TTC28: variants seen among roughly 807,000 people sequenced by gnomAD.
The protein encoded by TTC28 is tetratricopeptide repeat protein 28.
In TTC28, 61 loss-of-function variants were observed where a neutral mutation model predicts 198.0. The ratio of observed to expected loss-of-function variants is 0.31; its 90% confidence interval spans 0.25 to 0.38. TTC28 has a LOEUF of 0.38. TTC28 is among the 10% of genes least tolerant of loss of function. The pLI is 1.00. For missense variants in TTC28, 2,678 were observed against 3,164.0 expected, an observed-to-expected ratio of 0.85 and a Z score of 3.69; for synonymous variants, 1,171 against 1,297.8, an observed-to-expected ratio of 0.90 and a Z score of 2.10.
chr22:28,543,126 C>T (rs138919411), intron 2 of TTC28, among the ~76,000 whole-genome samples: 165 of 152,184 alleles, frequency 1.1e-3, no homozygotes, highest in African/African-American at 3.2e-3. Flanking sequence ...CTTGAGTCCA[C>T]GAGTCTGAGA....
At chr22:28,071,589 G>A (rs1448547313) in intron 12 of TTC28, among the ~76,000 whole-genome samples, 1 of 149,652 alleles carries the variant, frequency 6.7e-6, no homozygotes, top group Non-Finnish European at 1.5e-5. Flanking sequence ...TGGTGGGGTG[G>A]GGGGGAGCGG....
intron 2 of TTC28, among the ~76,000 whole-genome samples, chr22:28,518,766 G>C (rs2048841280): frequency 6.6e-6 from 1 of 152,138 alleles, no homozygotes; most frequent in African/African-American, 2.4e-5. Flanking sequence ...ATAGTAAAAA[G>C]ACAGAATTCA....
At chr22:28,416,227 T>G (rs1447290705) in intron 2 of TTC28, among the ~76,000 whole-genome samples, 2 of 152,206 alleles carry the variant, frequency 1.3e-5, no homozygotes, top group Non-Finnish European at 2.9e-5. Flanking sequence ...TTAACTTCAG[T>G]GTACACTATC....
chr22:28,149,066 G>A lies in TTC28; in HGVS notation c.1441+14026C>T, dbSNP rs114676934. On this transcript the variant is annotated intron_variant, in intron 6 of 22. Transcript: ENST00000397906. ...ATTTCGTCATTGTACGAACATCATC[G>A]AGTGTACTGACACAAACCTAGATGA... 6.5e-3 allele frequency among the ~76,000 whole-genome samples: 990 copies of A among 152,286 alleles called. 6 individuals carry two copies. The highest frequency in any genetic ancestry group is 0.022 in the African/African-American group (896 of 41,542).
chr22:27,992,264 G>C (rs1026744323), intron 19 of TTC28, among the ~76,000 whole-genome samples: 1 of 152,206 alleles, frequency 6.6e-6, no homozygotes, highest in African/African-American at 2.4e-5. Flanking sequence ...TCACCCTGGG[G>C]TTGGCCGCAC....
chr22:28,534,285 T>C (rs1385656007), intron 2 of TTC28, among the ~76,000 whole-genome samples: 3 of 152,122 alleles, frequency 2.0e-5, no homozygotes, highest in African/African-American at 4.8e-5. Flanking sequence ...AAGAAGACAT[T>C]TATGCAGCCA....
chr22:28,564,290 C>G (rs143998967), intron 2 of TTC28, among the ~76,000 whole-genome samples: 242 of 152,090 alleles, frequency 1.6e-3, no homozygotes, highest in Non-Finnish European at 2.1e-3. Flanking sequence ...GTCAATTTTA[C>G]TTCAATTATT....
intron 5 of TTC28, among the ~76,000 whole-genome samples, chr22:28,283,914 G>C (rs937848461): frequency 6.6e-6 from 1 of 152,138 alleles, no homozygotes; most frequent in African/African-American, 2.4e-5. Context: ...CTGCAGAAAT[G>C]ACCAGATGAT....
chr22:27,998,251 G>A, intron 16 of TTC28: 1 of 507,598 alleles, frequency 2.0e-6, no homozygotes, highest in Non-Finnish European at 3.5e-6. Flanking sequence ...GGTTAAATGA[G>A]GGTGCCATGG....
rs775749257 is a variant in TTC28 at position 28,170,357 on chromosome 22, C to A, written c.934-6758G>T. Among the ~76,000 whole-genome samples, 110 of 151,772 alleles carry A rather than the reference C, an allele frequency of 7.2e-4. 1 individual carries two copies. The highest frequency in any genetic ancestry group is 2.5e-3 in the Admixed American group (38 of 15,250). On this transcript the variant is annotated intron_variant, in intron 5 of 22. Coordinates refer to ENST00000397906, the MANE Select transcript of TTC28 (RefSeq NM_001145418.2). Reference sequence around the variant, plus strand: ...AAAAAAAATTAGCTGGGCGTGGTTGCGGGCACCTGTAGTCCCACCTACTCG... The same window carrying A: ...AAAAAAAATTAGCTGGGCGTGGTTGAGGGCACCTGTAGTCCCACCTACTCG...
At chr22:28,639,210 G>A (rs978032733) in intron 1 of TTC28, among the ~76,000 whole-genome samples, 3 of 147,036 alleles carry the variant, frequency 2.0e-5, no homozygotes, top group Admixed American at 2.0e-4. Context: ...GCTTTGCAAG[G>A]CATAAATTTT....
intron 6 of TTC28, among the ~76,000 whole-genome samples, chr22:28,130,428 T>C (rs895689718): frequency 6.6e-6 from 1 of 152,234 alleles, no homozygotes; most frequent in African/African-American, 2.4e-5. Flanking sequence ...TTCATAATGA[T>C]ATGGTGTTTC....
chr22:28,531,275 C>A (rs561898951), intron 2 of TTC28, among the ~76,000 whole-genome samples: 3 of 152,256 alleles, frequency 2.0e-5, no homozygotes, highest in Non-Finnish European at 2.9e-5. Flanking sequence ...TCTGATAAAA[C>A]AGACTTTAAA....
intron 6 of TTC28, among the ~76,000 whole-genome samples, chr22:28,125,286 T>G (rs1265609645): frequency 6.6e-6 from 1 of 152,156 alleles, no homozygotes; most frequent in African/African-American, 2.4e-5. Context: ...CCCTCCAGAG[T>G]GAAAAATACC....
chr22:28,353,744 A>ACAGAATGGGACAAAATATTTG (rs2046034946), intron 2 of TTC28, among the ~76,000 whole-genome samples: 1 of 152,212 alleles, frequency 6.6e-6, no homozygotes, highest in Admixed American at 6.5e-5. Flanking sequence ...AAGACAACAC[A>ACAGAATGGGACAAAATATTTG]CAGAATGGGA....
At chr22:28,400,110 C>T (rs958825303) in intron 2 of TTC28, among the ~76,000 whole-genome samples, 2 of 152,126 alleles carry the variant, frequency 1.3e-5, no homozygotes, top group African/African-American at 4.8e-5. Flanking sequence ...ATCTGATTTC[C>T]AAAGTCAACA....
chr22:28,066,711 G>T (rs550627899), intron 12 of TTC28, among the ~76,000 whole-genome samples: 2 of 152,232 alleles, frequency 1.3e-5, no homozygotes, highest in South Asian at 4.1e-4. Context: ...GACAACTTGG[G>T]ACCATGGGGT....
At chr22:28,606,652 TTA>T in intron 2 of TTC28, among the ~76,000 whole-genome samples, 1 of 152,268 alleles carries the variant, frequency 6.6e-6, no homozygotes, top group South Asian at 2.1e-4. Flanking sequence ...TTTTAAAAAT[TTA>T]TATGTGTGTG....
intron 2 of TTC28, among the ~76,000 whole-genome samples, chr22:28,445,861 T>TACACACAC (rs111302565): frequency 3.4e-5 from 5 of 146,762 alleles, no homozygotes; most frequent in African/African-American, 5.0e-5. Flanking sequence ...TACATATCTA[T>TACACACAC]ACACACACAC....
Sources: gnomAD v4.1 joint callset for allele counts (sites outside exome capture counted in the v4.1 genomes callset) on GRCh38, gnomAD v4.1.1 for gene constraint, MANE v1.5 for transcripts, NCBI Gene and HGNC (gene_info 2026-07-23, HGNC 2026-07-21) for gene names.